The following LRRC7 variants were observed in gnomAD, a reference collection of about 807,000 sequenced individuals.
LRRC7 encodes the protein leucine-rich repeat-containing protein 7.
A neutral mutation model predicts 175.7 loss-of-function variants in LRRC7; 23 were observed. That is an observed-to-expected ratio of 0.13 (90% CI 0.09 to 0.19). The LOEUF (loss-of-function observed/expected upper bound fraction) is 0.19, where lower values mean the gene tolerates loss of function less well. Ranked by LOEUF, LRRC7 falls within the 10% of genes least tolerant of loss-of-function variation. LRRC7 has a pLI of 1.00. For missense variants in LRRC7, 1,354 were observed against 1,904.7 expected (o/e 0.71, Z 5.38); for synonymous variants, 685 against 680.9 (o/e 1.01, Z -0.09).
At chr1:69,918,214 C>G (rs1323249685) in intron 7 of LRRC7, among the ~76,000 whole-genome samples, 2 of 152,150 alleles carry the variant, frequency 1.3e-5, no homozygotes, top group African/African-American at 4.8e-5. Flanking sequence ...ACGATAGCCC[C>G]CTATGTCAAA....
intron 2 of LRRC7, among the ~76,000 whole-genome samples, chr1:69,700,118 A>T (rs1663157184): frequency 6.6e-6 from 1 of 152,166 alleles, no homozygotes; most frequent in Non-Finnish European, 1.5e-5. Flanking sequence ...CAAAAGGTAC[A>T]GATCTAGGGA....
chr1:69,896,889 T>C (rs1645995544), intron 7 of LRRC7, among the ~76,000 whole-genome samples: 1 of 152,140 alleles, frequency 6.6e-6, no homozygotes, highest in Non-Finnish European at 1.5e-5. Flanking sequence ...ATGCTTCTGC[T>C]CAAAGGTTAG....
chr1:69,745,320 G>T (rs1358258173), intron 2 of LRRC7, among the ~76,000 whole-genome samples: 2 of 151,930 alleles, frequency 1.3e-5, no homozygotes, highest in African/African-American at 4.8e-5. Flanking sequence ...GACAAAGATT[G>T]AAAATAAACC....
At chr1:69,877,766 T>C (rs914229363) in intron 7 of LRRC7, among the ~76,000 whole-genome samples, 5 of 152,212 alleles carry the variant, frequency 3.3e-5, no homozygotes, top group African/African-American at 1.2e-4. Flanking sequence ...ATTATTCATG[T>C]AGACATCTTT....
chr1:69,807,353 T>G lies in LRRC7; in HGVS notation c.421+15193T>G, dbSNP rs539655257. 1.4e-3 allele frequency among the ~76,000 whole-genome samples: 211 copies of G among 152,188 alleles called. 3 individuals are homozygous for G. Among genetic ancestry groups the G allele is most frequent in the African/African-American group, 4.7e-3 (196 of 41,540 alleles). The stretch of plus-strand genomic sequence containing the variant: ...TCCTGTCATTATGATGTTAGCTGGT[T>G]ATTTTGCTCGTTAGTTGATGCAGTT... On this transcript the variant is annotated intron_variant, in intron 4 of 26. Coordinates refer to ENST00000651989, the MANE Select transcript of LRRC7 (RefSeq NM_001370785.2).
chr1:69,947,560 T>G (rs983371516), intron 8 of LRRC7, among the ~76,000 whole-genome samples: 1 of 152,214 alleles, frequency 6.6e-6, no homozygotes, highest in African/African-American at 2.4e-5. Flanking sequence ...CCAAGTCCAC[T>G]TCATGCTTTT....
chr1:69,688,647 A>T (rs1385630987), intron 2 of LRRC7, among the ~76,000 whole-genome samples: 3 of 138,676 alleles, frequency 2.2e-5, no homozygotes, highest in African/African-American at 2.6e-5. Flanking sequence ...TTTTTTTTTA[A>T]AAAAAACCTC....
At chr1:69,976,568 A>G (rs532847503) in intron 8 of LRRC7, among the ~76,000 whole-genome samples, 2 of 152,348 alleles carry the variant, frequency 1.3e-5, no homozygotes, top group South Asian at 4.1e-4. Context: ...CACAATGTCT[A>G]TCACCAAGGT....
At chr1:69,946,114 C>T (rs764377547) in intron 8 of LRRC7, among the ~76,000 whole-genome samples, 24 of 152,094 alleles carry the variant, frequency 1.6e-4, no homozygotes, top group Non-Finnish European at 2.4e-4. Flanking sequence ...GTGGGCTTGT[C>T]GTGCATGACC....
Position 70,088,355 on chromosome 1 carries a change from G to A in LRRC7, c.4453-1372G>A, listed in dbSNP as rs149881320. Among the ~76,000 whole-genome samples the A allele has an allele frequency of 3.4e-3, 510 of 152,108 alleles. 1 individual carries two copies. The highest frequency in any genetic ancestry group is 0.01 in the African/African-American group (421 of 41,490). On this transcript the variant is annotated intron_variant, in intron 24 of 26. Transcript: ENST00000651989. Reference sequence around the variant, plus strand: ...GAGAATCACTTGAGGACAGGAGTTCGAGACTAGCCCGGGCAACACAGCAAG... The same window carrying A: ...GAGAATCACTTGAGGACAGGAGTTCAAGACTAGCCCGGGCAACACAGCAAG...
chr1:69,856,055 T>C (rs1018195406), intron 7 of LRRC7, among the ~76,000 whole-genome samples: 3 of 152,108 alleles, frequency 2.0e-5, no homozygotes, highest in Admixed American at 6.6e-5. Context: ...ATACAGCACA[T>C]TGATGGGTCT....
chr1:69,581,203 T>A (rs1276986597), intron 1 of LRRC7, among the ~76,000 whole-genome samples: 2 of 152,190 alleles, frequency 1.3e-5, no homozygotes, highest in African/African-American at 4.8e-5. Flanking sequence ...GTGGTGTGAA[T>A]TGATTGACAT....
At chr1:70,109,864 C>G (rs1289723893) in intron 26 of LRRC7, among the ~76,000 whole-genome samples, 2 of 152,224 alleles carry the variant, frequency 1.3e-5, no homozygotes, top group African/African-American at 4.8e-5. Flanking sequence ...TATTTTAAAT[C>G]CTAGAGTCTG....
intron 2 of LRRC7, among the ~76,000 whole-genome samples, chr1:69,752,576 A>C (rs1669953551): frequency 6.6e-6 from 1 of 152,130 alleles, no homozygotes; most frequent in Admixed American, 6.6e-5. Context: ...AATTGTCAGT[A>C]GGGAAGGATT....
chr1:69,617,914 C>T (rs1335342073), intron 1 of LRRC7, among the ~76,000 whole-genome samples: 2 of 152,054 alleles, frequency 1.3e-5, no homozygotes, highest in East Asian at 1.9e-4. Context: ...ATCCAAAGCC[C>T]CATACATGAT....
chr1:69,781,776 AGAAAGAAAGAAAGGAAG>A (rs1673657764), intron 3 of LRRC7, among the ~76,000 whole-genome samples: 1 of 67,154 alleles, frequency 1.5e-5, no homozygotes, highest in African/African-American at 7.2e-5. Context: ...AAAGAAAGAA[AGAAAGAAAGAAAGGAAG>A]GAAGGAAGGA....
chr1:70,070,311 A>T (rs1178354444), intron 23 of LRRC7, among the ~76,000 whole-genome samples: 1 of 152,078 alleles, frequency 6.6e-6, no homozygotes, highest in Non-Finnish European at 1.5e-5. Context: ...CTGAGACTTT[A>T]TATTTCTTTG....
chr1:69,823,076 G>A (rs779134165), intron 4 of LRRC7, among the ~76,000 whole-genome samples: 16 of 152,124 alleles, frequency 1.1e-4, no homozygotes, highest in Non-Finnish European at 1.6e-4. Flanking sequence ...GAAGTCAAAT[G>A]TCATCTAGAT....
chr1:70,053,226 T>C (rs903255073), intron 23 of LRRC7, 81 bp downstream of exon 23: 1 of 1,267,590 alleles, frequency 7.9e-7, no homozygotes, highest in African/African-American at 1.5e-5. Flanking sequence ...TTGTGTCTTA[T>C]CATAATTTCT....
Sources: gnomAD v4.1 joint callset for allele counts (sites outside exome capture counted in the v4.1 genomes callset) on GRCh38, gnomAD v4.1.1 for gene constraint, MANE v1.5 for transcripts, NCBI Gene and HGNC (gene_info 2026-07-23, HGNC 2026-07-21) for gene names.